The following PTN variants were observed in gnomAD, a reference collection of about 807,000 sequenced individuals.
The protein encoded by PTN is pleiotrophin, also known as heparin affin regulatory protein.
PTN carries 18 observed loss-of-function variants against 24.1 expected under a neutral mutation model. The observed-to-expected ratio is 0.75, with a 90% CI of 0.52 to 1.11. The LOEUF is 1.11. PTN is among the 50% of genes least tolerant of loss of function. The pLI, the probability that PTN is intolerant of heterozygous loss-of-function variation, is 0.00. For missense variants in PTN, 163 were observed against 198.8 expected (o/e 0.82, Z 1.08); for synonymous variants, 78 against 68.6 (o/e 1.14, Z -0.67).
intron 1 of PTN, 141 bp from the exon 2 acceptor site, chr7:137,255,115 T>G: frequency 1.9e-6 from 1 of 521,980 alleles, no homozygotes; most frequent in Non-Finnish European, 3.2e-6. Flanking sequence ...TTATCTTGGG[T>G]AGAATTTTAT....
intron 1 of PTN, among the ~76,000 whole-genome samples, chr7:137,317,387 A>G (rs1299644729): frequency 1.3e-5 from 2 of 152,262 alleles, no homozygotes; most frequent in Non-Finnish European, 2.9e-5. Flanking sequence ...CTCCAAAATC[A>G]TAATGACTTC....
At chr7:137,320,286 C>T (rs1001988419) in intron 1 of PTN, among the ~76,000 whole-genome samples, 7 of 152,204 alleles carry the variant, frequency 4.6e-5, no homozygotes, top group African/African-American at 1.4e-4. Context: ...ACCTTCCTGA[C>T]GGAAAGAGTA....
intron 1 of PTN, among the ~76,000 whole-genome samples, chr7:137,315,541 C>G (rs1040916025): frequency 6.6e-6 from 1 of 152,142 alleles, no homozygotes; most frequent in Non-Finnish European, 1.5e-5. Flanking sequence ...TTCATCAGTT[C>G]TCTCGTGGGC....
chr7:137,342,380 C>T (rs767385006), intron 1 of PTN, among the ~76,000 whole-genome samples: 3 of 152,142 alleles, frequency 2.0e-5, no homozygotes, highest in Admixed American at 1.3e-4. Context: ...ATGAGAGATG[C>T]TCAAGGACCG....
chr7:137,228,098 CAGAA>C (rs779367894), intron 4 of PTN, 23 bp from the exon 5 acceptor site: 15 of 1,425,314 alleles, frequency 1.1e-5, no homozygotes, highest in East Asian at 9.1e-5. Flanking sequence ...AAAAGAGAGA[CAGAA>C]AGAGAGAAAG....
At chr7:137,332,730 G>A (rs1467636430) in intron 1 of PTN, among the ~76,000 whole-genome samples, 1 of 152,050 alleles carries the variant, frequency 6.6e-6, no homozygotes, top group African/African-American at 2.4e-5. Context: ...TTGAGGAGCT[G>A]ACTTGACCCT....
At chr7:137,251,067 A>G (rs1475320227) in intron 4 of PTN, among the ~76,000 whole-genome samples, 163 bp downstream of exon 4, 1 of 152,170 alleles carries the variant, frequency 6.6e-6, no homozygotes. Flanking sequence ...TGCCTGCTTC[A>G]AAGTATTTTT....
At chr7:137,274,444 T>A (rs1003758929) in intron 1 of PTN, among the ~76,000 whole-genome samples, 1 of 152,132 alleles carries the variant, frequency 6.6e-6, no homozygotes, top group Non-Finnish European at 1.5e-5. Context: ...ACATGTGCCA[T>A]GCTGCTTTGC....
At chr7:137,337,611 G>T (rs1226056199) in intron 1 of PTN, among the ~76,000 whole-genome samples, 2 of 152,196 alleles carry the variant, frequency 1.3e-5, no homozygotes, top group African/African-American at 4.8e-5. Flanking sequence ...TCTCCATTCT[G>T]GAGGTAGTCT....
intron 4 of PTN, among the ~76,000 whole-genome samples, chr7:137,231,582 A>G (rs1729598449): frequency 6.6e-6 from 1 of 151,956 alleles, no homozygotes; most frequent in African/African-American, 2.4e-5. Flanking sequence ...CCCTATCTGT[A>G]TGTTGCAACT....
intron 1 of PTN, among the ~76,000 whole-genome samples, chr7:137,324,433 A>AAAAAATATATATATATAT: frequency 2.3e-5 from 2 of 88,802 alleles, no homozygotes; most frequent in Admixed American, 1.5e-4. Context: ...AAAAAAAAAA[A>AAAAAATATATATATATAT]ATATATATAT....
At position 137,312,870 on chromosome 7, in the gene PTN, A is replaced by G. The variant is rs543734754; in HGVS notation, c.-2+30569T>C. 1.4e-4 allele frequency among the ~76,000 whole-genome samples: 21 copies of G among 152,316 alleles called. No individual in the cohort carries two copies. In the South Asian group the frequency reaches 4.4e-3, roughly 32 times the overall value. Reference sequence around the variant, plus strand: ...AATTCAAACTAATTTACTACTCTTTACCTGCCACACAGTATTCTTGTGATA... The same window carrying G: ...AATTCAAACTAATTTACTACTCTTTGCCTGCCACACAGTATTCTTGTGATA... On this transcript the variant is annotated intron_variant, in intron 1 of 4. Coordinates refer to ENST00000348225, the MANE Select transcript of PTN (RefSeq NM_002825.7).
chr7:137,291,951 A>T (rs1809644631), intron 1 of PTN, among the ~76,000 whole-genome samples: 1 of 152,086 alleles, frequency 6.6e-6, no homozygotes, highest in Admixed American at 6.6e-5. Context: ...TTGGAATTAG[A>T]TCCTTTGGCA....
intron 4 of PTN, among the ~76,000 whole-genome samples, chr7:137,229,556 C>A (rs1808393703): frequency 1.3e-5 from 2 of 151,770 alleles, no homozygotes; most frequent in South Asian, 4.1e-4. Flanking sequence ...AGTAGTATTT[C>A]TGTTCAATGT....
At chr7:137,324,428 A>AG (rs2128881736) in intron 1 of PTN, among the ~76,000 whole-genome samples, 1 of 74,664 alleles carries the variant, frequency 1.3e-5, no homozygotes, top group East Asian at 4.7e-4. Flanking sequence ...AAAAAAAAAA[A>AG]AAAAAATATA....
intron 1 of PTN, among the ~76,000 whole-genome samples, chr7:137,335,967 T>G (rs1420566832): frequency 6.6e-6 from 1 of 151,398 alleles, no homozygotes; most frequent in Non-Finnish European, 1.5e-5. Flanking sequence ...TTTCTTTTTC[T>G]TCATTCCTGT....
At chr7:137,308,122 T>C (rs547616451) in intron 1 of PTN, among the ~76,000 whole-genome samples, 56 of 152,248 alleles carry the variant, frequency 3.7e-4, no homozygotes, top group African/African-American at 1.3e-3. Flanking sequence ...ACGGCGTGAA[T>C]CTTTGTCTAG....
At chr7:137,280,831 C>T (rs374870609) in intron 1 of PTN, among the ~76,000 whole-genome samples, 2 of 146,636 alleles carry the variant, frequency 1.4e-5, no homozygotes, top group East Asian at 4.0e-4. Context: ...GAGATTGTGC[C>T]ACTGCACTCC....
chr7:137,267,954 C>A (rs1809187533), intron 1 of PTN, among the ~76,000 whole-genome samples: 1 of 152,042 alleles, frequency 6.6e-6, no homozygotes, highest in Admixed American at 6.5e-5. Context: ...AAGATCAATC[C>A]TGTCAAGCAA....
Sources: allele counts gnomAD v4.1 joint callset (sites outside exome capture counted in the v4.1 genomes callset), GRCh38; gene constraint gnomAD v4.1.1; transcripts MANE v1.5; gene names NCBI Gene and HGNC (gene_info 2026-07-23, HGNC 2026-07-21).